Variants in REL observed in about 807,000 individuals in gnomAD.
REL encodes the protein proto-oncogene c-Rel.
A neutral mutation model predicts 45.9 loss-of-function variants in REL; 15 were observed. The observed-to-expected ratio is 0.33, with a 90% CI of 0.22 to 0.50. REL has a LOEUF of 0.50. REL is among the 20% of genes least tolerant of loss of function. The pLI is 0.98. For missense variants in REL, 601 were observed against 715.2 expected, an observed-to-expected ratio of 0.84 and a Z score of 1.82; for synonymous variants, 239 against 242.1, an observed-to-expected ratio of 0.99 and a Z score of 0.12.
At chr2:60,891,606 A>G in intron 1 of REL, 77 bp from the exon 2 acceptor site, 1 of 1,281,584 alleles carries the variant, frequency 7.8e-7, no homozygotes, top group Non-Finnish European at 1.1e-6. Context: ...GCTGTTATAA[A>G]AAAAACAGAA....
rs1674343218 is a variant in REL, at chr2:60,929,582, A to G, written c.*7047A>G. 1 of 150,994 alleles carries G rather than the reference A, an allele frequency of 6.6e-6. No homozygotes were observed. The allele number at this position is 150,994 out of a possible 1,614,324, so 9.4% of individuals were successfully genotyped here. A position where few individuals can be genotyped will look rare whatever the true frequency, so the allele number is the denominator to read the frequency against. On this transcript the variant is annotated 3_prime_UTR_variant, in exon 10 of 10. Transcript: ENST00000394479. ...AAACTATCGCAAGAACAAGAAACCA[A>G]ACACCACATATTCTCACTCATAGGT... is the stretch of plus-strand genomic sequence containing the variant.
rs910250153 is a variant in REL, at chr2:60,923,102, G to A, written c.*567G>A. The A allele has an allele frequency of 5.6e-6, 1 of 178,728 alleles. No homozygotes were observed. The highest frequency in any genetic ancestry group is 2.4e-5 in the African/African-American group (1 of 42,090). 11.1% of individuals were successfully genotyped at this position (178,728 alleles called of 1,614,324 possible). Reference sequence around the variant, plus strand: ...ATATTTCTTTTTATAATGTTTTAATGTATTCTTAAATTTCAAGCAAATTTA... The same window carrying A: ...ATATTTCTTTTTATAATGTTTTAATATATTCTTAAATTTCAAGCAAATTTA... On this transcript the variant is annotated 3_prime_UTR_variant, in exon 10 of 10. Coordinates refer to ENST00000394479, the MANE Select transcript of REL (RefSeq NM_001291746.2).
Position 60,924,982 on chromosome 2 carries a change from T to A in REL, c.*2447T>A. 1 of 206,828 alleles carries A rather than the reference T, an allele frequency of 4.8e-6. No homozygotes were observed. The highest frequency in any genetic ancestry group is 9.9e-6 in the Non-Finnish European group (1 of 101,220). The allele number at this position is 206,828 out of a possible 1,614,324, so 12.8% of individuals were successfully genotyped here. On this transcript the variant is annotated 3_prime_UTR_variant, in exon 10 of 10. Transcript: ENST00000394479. Reference sequence around the variant, plus strand: ...AAACCTTTCACTTTGCTTCAAAACGTAGTTATATTTTGGAGTTTTCATTTG... The same window carrying A: ...AAACCTTTCACTTTGCTTCAAAACGAAGTTATATTTTGGAGTTTTCATTTG...
chr2:60,903,971 CATG>C (rs1018738901), intron 4 of REL, among the ~76,000 whole-genome samples: 1 of 152,100 alleles, frequency 6.6e-6, no homozygotes, highest in African/African-American at 2.4e-5. Context: ...CCGACTCAGG[CATG>C]ATATTAATAG....
chr2:60,908,417 A>C (rs888691077), intron 4 of REL, among the ~76,000 whole-genome samples: 29 of 152,344 alleles, frequency 1.9e-4, no homozygotes, highest in African/African-American at 6.7e-4. Context: ...CAAACGGGGC[A>C]TAAAGCAGTC....
intron 1 of REL, 46 bp downstream of exon 1, chr2:60,881,896 T>C: frequency 7.4e-7 from 1 of 1,358,206 alleles, no homozygotes; most frequent in Non-Finnish European, 9.7e-7. Context: ...AAAGGAGCTC[T>C]TCTGAAGGGG....
At chr2:60,917,698 G>A (rs1449583792) in intron 5 of REL, among the ~76,000 whole-genome samples, 2 of 149,932 alleles carry the variant, frequency 1.3e-5, no homozygotes, top group Non-Finnish European at 3.0e-5. Context: ...GTGTGTGTGT[G>A]TGTGTGTGTG....
intron 3 of REL, among the ~76,000 whole-genome samples, chr2:60,895,082 C>T (rs889749331): frequency 2.0e-5 from 3 of 151,848 alleles, no homozygotes; most frequent in African/African-American, 4.8e-5. Flanking sequence ...TGGTCTGGAA[C>T]TCCCGACCTC....
At position 60,927,420 on chromosome 2, in the gene REL, G is replaced by A. The variant is rs1472775700; in HGVS notation, c.*4885G>A. ...ATACCACAGCCCTTTGAGACTGAAA[G>A]CAGCTCTATTGAGAATAGTAGTGTC... On this transcript the variant is annotated 3_prime_UTR_variant, in exon 10 of 10. Coordinates refer to ENST00000394479, the MANE Select transcript of REL (RefSeq NM_001291746.2). 1 of 231,230 alleles carries A rather than the reference G, an allele frequency of 4.3e-6. No homozygotes were observed. Among genetic ancestry groups the A allele is most frequent in the Non-Finnish European group, 8.6e-6 (1 of 116,810 alleles). 14.3% of individuals were successfully genotyped at this position (231,230 alleles called of 1,614,324 possible).
intron 1 of REL, among the ~76,000 whole-genome samples, chr2:60,884,697 TA>T (rs1295678847): frequency 6.6e-6 from 1 of 152,182 alleles, no homozygotes; most frequent in Non-Finnish European, 1.5e-5. Context: ...CTGTCTTTGG[TA>T]AAATGTTTTA....
intron 1 of REL, 138 bp from the exon 2 acceptor site, chr2:60,891,545 T>C: frequency 1.4e-6 from 1 of 731,162 alleles, no homozygotes; most frequent in Non-Finnish European, 2.1e-6. Flanking sequence ...CAAGATAACA[T>C]TTCGGTCTTG....
At chr2:60,889,710 C>T (rs375432632) in intron 1 of REL, among the ~76,000 whole-genome samples, 15 of 151,768 alleles carry the variant, frequency 9.9e-5, no homozygotes, top group African/African-American at 3.2e-4. Context: ...TGAGAACATG[C>T]GGTGTTTGGT....
intron 9 of REL, among the ~76,000 whole-genome samples, chr2:60,920,902 A>T (rs1170406871): frequency 2.0e-5 from 3 of 152,210 alleles, no homozygotes; most frequent in African/African-American, 7.2e-5. Context: ...TTGCGTTATG[A>T]AAAAATGTTA....
At chr2:60,895,042 A>G (rs1356418648) in intron 3 of REL, among the ~76,000 whole-genome samples, 1 of 151,476 alleles carries the variant, frequency 6.6e-6, no homozygotes, top group Non-Finnish European at 1.5e-5. Context: ...TATTTTTAGT[A>G]GAGATGGGGT....
intron 3 of REL, among the ~76,000 whole-genome samples, chr2:60,897,805 T>C (rs1673388930): frequency 6.6e-6 from 1 of 151,354 alleles, no homozygotes. Context: ...AGCAGGAGGA[T>C]TGCTTGAGCC....
At chr2:60,901,729 A>G (rs1346473617) in intron 4 of REL, among the ~76,000 whole-genome samples, 1 of 152,166 alleles carries the variant, frequency 6.6e-6, no homozygotes, top group Non-Finnish European at 1.5e-5. Context: ...TGAGTGTTAA[A>G]TAGGCACTGT....
chr2:60,890,927 C>T (rs1440424612), intron 1 of REL, among the ~76,000 whole-genome samples: 2 of 152,214 alleles, frequency 1.3e-5, no homozygotes, highest in Non-Finnish European at 1.5e-5. Flanking sequence ...TTCTTTCACT[C>T]AGCATAATCA....
chr2:60,891,922 C>T lies in REL; in HGVS notation c.153+97C>T. The T allele has an allele frequency of 3.4e-6, 4 of 1,187,294 alleles. 1 individual carries two copies. In the African/African-American group the frequency reaches 4.7e-5, roughly 14 times the overall value. 73.5% of individuals were successfully genotyped at this position (1,187,294 alleles called of 1,614,324 possible). A position where few individuals can be genotyped will look rare whatever the true frequency, so the allele number is the denominator to read the frequency against. On this transcript the variant is annotated intron_variant, in intron 2 of 9. Coordinates refer to ENST00000394479, the MANE Select transcript of REL (RefSeq NM_001291746.2). Reference sequence around the variant, plus strand: ...AGGGCCAGTTTCTTCACAGTCATCTCCACAGGTTTATCTTTTTCTTTTTTC... The same window carrying T: ...AGGGCCAGTTTCTTCACAGTCATCTTCACAGGTTTATCTTTTTCTTTTTTC...
intron 4 of REL, among the ~76,000 whole-genome samples, chr2:60,905,410 C>T (rs1573330151): frequency 6.6e-6 from 1 of 152,218 alleles, no homozygotes; most frequent in East Asian, 1.9e-4. Context: ...CAAATTCATT[C>T]CTTCCCGAGC....
Sources: allele counts gnomAD v4.1 joint callset (sites outside exome capture counted in the v4.1 genomes callset), GRCh38; gene constraint gnomAD v4.1.1; transcripts MANE v1.5; gene names NCBI Gene and HGNC (gene_info 2026-07-23, HGNC 2026-07-21).